Variants in USP9Y observed in about 807,000 individuals in gnomAD.
USP9Y encodes the protein ubiquitin carboxyl-terminal hydrolase 9Y.
USP9Y carries 41 observed loss-of-function variants against 53.1 expected under a neutral mutation model. The observed-to-expected ratio is 0.77, with a 90% CI of 0.60 to 1.00. The LOEUF is 1.00. Among genes scored for constraint, USP9Y ranks in the 50% least tolerant of loss-of-function variants. The pLI is 0.00. For missense variants in USP9Y, 567 were observed against 535.8 expected (o/e 1.06, Z -0.58); for synonymous variants, 220 against 173.7 (o/e 1.27, Z -2.09).
At chrY:12,768,513 A>G (rs2053482185) in intron 15 of USP9Y, among the ~76,000 whole-genome samples, 2 of 31,469 alleles carry the variant, frequency 6.4e-5, no homozygotes, top group South Asian at 1.5e-3. Context: ...CACTGTGTTG[A>G]CCAGGCTTGT....
At chrY:12,762,912 G>A in intron 15 of USP9Y, among the ~76,000 whole-genome samples, 1 of 33,055 alleles carries the variant, frequency 3.0e-5, no homozygotes, top group Non-Finnish European at 7.4e-5. Flanking sequence ...GCTGAATAAT[G>A]TCAGTTTGTT....
intron 13 of USP9Y, among the ~76,000 whole-genome samples, chrY:12,758,214 A>C: frequency 3.0e-5 from 1 of 33,874 alleles, no homozygotes; most frequent in Non-Finnish European, 7.3e-5. Context: ...CAAATGTTTT[A>C]AAATCATACT....
intron 27 of USP9Y, chrY:12,802,996 C>T: frequency 6.3e-5 from 2 of 31,918 alleles, no homozygotes; most frequent in African/African-American, 2.5e-4. Context: ...GATCTACCTG[C>T]CTCAGTCTCC....
intron 33 of USP9Y, among the ~76,000 whole-genome samples, chrY:12,823,721 AAGT>A (rs1603202495): frequency 6.4e-3 from 213 of 33,156 alleles, no homozygotes; most frequent in Admixed American, 0.017. Flanking sequence ...AAAATTTTAT[AAGT>A]TTAAAGGGAA....
chrY:12,732,004 G>A, intron 7 of USP9Y, among the ~76,000 whole-genome samples: 3 of 32,176 alleles, frequency 9.3e-5, no homozygotes, highest in African/African-American at 2.4e-4. Flanking sequence ...TGGTCTTTGG[G>A]GGTGTGCCTT....
At chrY:12,807,737 G>T in intron 27 of USP9Y, among the ~76,000 whole-genome samples, 1 of 31,903 alleles carries the variant, frequency 3.1e-5, no homozygotes, top group Admixed American at 2.9e-4. Flanking sequence ...CTTCACATTG[G>T]TCATATTTTC....
chrY:12,799,394 C>T, intron 27 of USP9Y, among the ~76,000 whole-genome samples: 1 of 33,568 alleles, frequency 3.0e-5, no homozygotes, highest in Non-Finnish European at 7.4e-5. Flanking sequence ...GGCTGCTAGT[C>T]ATGAAAAAGA....
intron 12 of USP9Y, among the ~76,000 whole-genome samples, chrY:12,751,117 C>T: frequency 3.2e-5 from 1 of 31,518 alleles, no homozygotes; most frequent in African/African-American, 1.3e-4. Flanking sequence ...ATGCCATTCT[C>T]CTGCCTCAGC....
Position 12,857,642 on chromosome Y carries a change from C to A in USP9Y, c.7511C>A (p.Pro2504His), listed in dbSNP as rs764850625. The A allele has an allele frequency of 1.8e-5, 7 of 382,921 alleles. No individual in the cohort carries two copies. Among genetic ancestry groups the A allele is most frequent in the Non-Finnish European group, 2.6e-5 (7 of 274,134 alleles). The change falls in exon 45 of 46, where the codon CCT (proline) becomes CAT (histidine). Residue 2504 changes from proline (P) to histidine (H), a missense_variant. Pro to His is a moderately conservative substitution (Grantham distance 77). Coordinates refer to ENST00000338981, the MANE Select transcript of USP9Y (RefSeq NM_004654.4). ...GATGCCCCATTATATCCTCATTCAC[C>A]TGCCTCTCAGTATCAACAGGTAAAA... The part of the protein sequence containing the change: ...SEDAPLYPHS[P>H]ASQYQQNNHV...
At chrY:12,767,031 C>T (rs950358145) in intron 15 of USP9Y, among the ~76,000 whole-genome samples, 2 of 33,008 alleles carry the variant, frequency 6.1e-5, no homozygotes, top group African/African-American at 2.4e-4. Context: ...GGGGACTGAC[C>T]GCTCACAGAC....
At chrY:12,787,579 A>G (rs892549447) in intron 24 of USP9Y, among the ~76,000 whole-genome samples, 1 of 33,589 alleles carries the variant, frequency 3.0e-5, no homozygotes, top group African/African-American at 1.2e-4. Flanking sequence ...AAGTTTAAAC[A>G]TTTGTTAATA....
intron 16 of USP9Y, among the ~76,000 whole-genome samples, chrY:12,771,717 C>G: frequency 6.2e-5 from 2 of 32,362 alleles, no homozygotes; most frequent in African/African-American, 1.2e-4. Flanking sequence ...ATTCTGTTTG[C>G]TGATCAATCA....
rs759180265 is a variant in USP9Y at position 12,735,701 on chromosome Y, T to C, written c.747T>C (p.Asn249=). 2.6e-6 allele frequency: 1 copy of C among 386,216 alleles called. No individual in the cohort carries two copies. Among genetic ancestry groups the C allele is most frequent in the Non-Finnish European group, 3.7e-6 (1 of 273,003 alleles). Residue 249 remains asparagine, a synonymous_variant, in exon 8 of 46, where the codon AAT becomes AAC. Transcript: ENST00000338981. ...GTTTTTTTAATGGATCAGCATTAAA[T>C]ATTCAAATAATTGCAGCTCTTATTA... ...HDRFFNGSAL[N]IQIIAALIKP... is the part of the protein sequence containing the mutation.
At chrY:12,745,977 G>A (rs982451120) in intron 12 of USP9Y, among the ~76,000 whole-genome samples, 2 of 33,816 alleles carry the variant, frequency 5.9e-5, no homozygotes, top group Non-Finnish European at 1.5e-4. Context: ...TGAGAAACCT[G>A]CATTTGAGAG....
intron 33 of USP9Y, among the ~76,000 whole-genome samples, chrY:12,824,414 A>C: frequency 3.0e-5 from 1 of 33,071 alleles, no homozygotes. Flanking sequence ...TAGTTTTGCA[A>C]GATGCTATTG....
intron 12 of USP9Y, among the ~76,000 whole-genome samples, chrY:12,747,769 G>A: frequency 5.9e-5 from 2 of 33,891 alleles, no homozygotes; most frequent in Admixed American, 2.7e-4. Context: ...CTTTAGCAGC[G>A]AAGCTTGATA....
intron 42 of USP9Y, among the ~76,000 whole-genome samples, chrY:12,854,111 T>G (rs2053573664): frequency 3.0e-5 from 1 of 33,145 alleles, no homozygotes; most frequent in African/African-American, 1.2e-4. Flanking sequence ...CTATTAGACA[T>G]AATAATAAGC....
chrY:12,777,352 T>A, intron 19 of USP9Y, among the ~76,000 whole-genome samples: 1 of 33,179 alleles, frequency 3.0e-5, no homozygotes, highest in Non-Finnish European at 7.5e-5. Context: ...CTATAGCATG[T>A]GATACGAATA....
At chrY:12,796,466 A>G (rs2053512809) in intron 27 of USP9Y, among the ~76,000 whole-genome samples, 1 of 30,245 alleles carries the variant, frequency 3.3e-5, no homozygotes, top group Non-Finnish European at 7.9e-5. Context: ...GGAGGCTGAG[A>G]CGGGAGATTG....
Sources: gnomAD v4.1 joint callset for allele counts (sites outside exome capture counted in the v4.1 genomes callset) on GRCh38, gnomAD v4.1.1 for gene constraint, MANE v1.5 for transcripts, NCBI Gene and HGNC (gene_info 2026-07-23, HGNC 2026-07-21) for gene names.